The following DCAF12 variants were observed in gnomAD, a reference collection of about 807,000 sequenced individuals.
DCAF12 encodes DDB1 and CUL4 associated factor 12.
Under a neutral mutation model 52.8 loss-of-function variants are expected in DCAF12, and 28 were observed. The ratio of observed to expected loss-of-function variants is 0.53; its 90% CI spans 0.39 to 0.73. The LOEUF is 0.73. Among genes scored for constraint, DCAF12 ranks in the 30% least tolerant of loss-of-function variants. The pLI is 0.00. For synonymous variants in DCAF12, 196 were observed against 215.5 expected (o/e 0.91, Z 0.79); for missense variants, 425 against 552.2 (o/e 0.77, Z 2.31).
chr9:34,095,364 C>T (rs571189791), intron 6 of DCAF12, among the ~76,000 whole-genome samples: 46 of 140,866 alleles, frequency 3.3e-4, no homozygotes, highest in African/African-American at 1.1e-3. Flanking sequence ...TGAACCACCG[C>T]GCCAGGCCTT....
intron 4 of DCAF12, among the ~76,000 whole-genome samples, chr9:34,102,484 AACCCTGTCTCT>A: frequency 6.6e-6 from 1 of 151,928 alleles, no homozygotes; most frequent in South Asian, 2.1e-4. Flanking sequence ...AACATGGTGA[AACCCTGTCTCT>A]ACTAAAAATA....
chr9:34,108,806 T>TA lies in DCAF12; in HGVS notation c.334-1242dup, dbSNP rs1313673510. ...GAGACTTGGTCTCAAAAAAAATAAA[T>TA]AAATAAATATATATATATATATATG... On this transcript the variant is annotated intron_variant, in intron 2 of 8. Transcript: ENST00000361264. Among the ~76,000 whole-genome samples the TA allele has an allele frequency of 1.0e-4, 13 of 129,944 alleles. No individual in the cohort carries two copies. In the South Asian group the frequency reaches 1.4e-3, roughly 14 times the overall value. The allele number at this position is 129,944 out of a possible 152,430, so 85.2% of individuals were successfully genotyped here.
chr9:34,125,649 CTG>C, intron 1 of DCAF12: 1 of 471,812 alleles, frequency 2.1e-6, no homozygotes, highest in Non-Finnish European at 4.4e-6. Flanking sequence ...CCCTCTCAGT[CTG>C]TACTCCCACT....
intron 4 of DCAF12, among the ~76,000 whole-genome samples, chr9:34,098,809 C>T (rs2131429771): frequency 6.6e-6 from 1 of 152,200 alleles, no homozygotes; most frequent in South Asian, 2.1e-4. Flanking sequence ...CGCTTTGTCA[C>T]CCAGGCTGGA....
At chr9:34,099,620 GTCTC>G (rs1828795214) in intron 4 of DCAF12, among the ~76,000 whole-genome samples, 2 of 150,622 alleles carry the variant, frequency 1.3e-5, no homozygotes, top group African/African-American at 2.4e-5. Flanking sequence ...TGGAGATGAA[GTCTC>G]TCTGTGTTAC....
intron 4 of DCAF12, among the ~76,000 whole-genome samples, chr9:34,100,811 A>ATT (rs142344955): frequency 1.3e-5 from 2 of 150,508 alleles, no homozygotes. Context: ...TATTTTTTTA[A>ATT]TTTTTTTTGT....
At chr9:34,094,561 C>A (rs1201239353) in intron 6 of DCAF12, among the ~76,000 whole-genome samples, 1 of 143,952 alleles carries the variant, frequency 6.9e-6, no homozygotes, top group Non-Finnish European at 1.5e-5. Context: ...GACGGAGTCT[C>A]GCACTGTCGC....
intron 2 of DCAF12, among the ~76,000 whole-genome samples, chr9:34,118,533 G>C (rs1829121270): frequency 6.6e-6 from 1 of 152,120 alleles, no homozygotes; most frequent in Non-Finnish European, 1.5e-5. Flanking sequence ...TTGTTCCCTG[G>C]TGACATTTCC....
chr9:34,106,248 A>G (rs1828902257), intron 4 of DCAF12, among the ~76,000 whole-genome samples, 186 bp downstream of exon 4: 1 of 151,428 alleles, frequency 6.6e-6, no homozygotes, highest in African/African-American at 2.4e-5. Context: ...ATGCAGTACC[A>G]CACTCAACTA....
intron 2 of DCAF12, among the ~76,000 whole-genome samples, chr9:34,115,718 T>G (rs144688180): frequency 5.8e-4 from 89 of 152,146 alleles, no homozygotes; most frequent in African/African-American, 2.0e-3. Context: ...GAACTAGTGA[T>G]GGGTGAACAG....
intron 4 of DCAF12, 59 bp downstream of exon 4, chr9:34,106,375 C>T: frequency 2.8e-6 from 4 of 1,438,028 alleles, no homozygotes; most frequent in Non-Finnish European, 3.9e-6. Context: ...TATCCCTTTT[C>T]AATCTCTAGC....
At chr9:34,123,634 G>A (rs767244956) in intron 2 of DCAF12, among the ~76,000 whole-genome samples, 4 of 152,090 alleles carry the variant, frequency 2.6e-5, no homozygotes, top group African/African-American at 4.8e-5. Context: ...ATTAAGAGTA[G>A]GTTAAATTAT....
At chr9:34,101,980 A>G (rs1463834470) in intron 4 of DCAF12, among the ~76,000 whole-genome samples, 1 of 149,750 alleles carries the variant, frequency 6.7e-6, no homozygotes, top group East Asian at 2.0e-4. Flanking sequence ...TGTGCCACAG[A>G]CTCCAACCTG....
chr9:34,112,590 T>C (rs1432431877), intron 2 of DCAF12, among the ~76,000 whole-genome samples: 1 of 148,602 alleles, frequency 6.7e-6, no homozygotes, highest in East Asian at 2.0e-4. Flanking sequence ...TGAGAATCCA[T>C]CTCAAAAACA....
intron 4 of DCAF12, among the ~76,000 whole-genome samples, chr9:34,105,586 C>A (rs1051895730): frequency 6.6e-6 from 1 of 152,080 alleles, no homozygotes; most frequent in African/African-American, 2.4e-5. Flanking sequence ...CTCAAGGATG[C>A]AGTGAGCTAG....
At chr9:34,100,636 A>C (rs539554673) in intron 4 of DCAF12, among the ~76,000 whole-genome samples, 1 of 151,296 alleles carries the variant, frequency 6.6e-6, no homozygotes, top group African/African-American at 2.4e-5. Context: ...CTGTGACTAC[A>C]GGCACACCCT....
At chr9:34,120,663 C>G (rs1476263074) in intron 2 of DCAF12, among the ~76,000 whole-genome samples, 5 of 103,426 alleles carry the variant, frequency 4.8e-5, no homozygotes, top group Admixed American at 2.2e-4. Flanking sequence ...CAGCAAGACG[C>G]GGTCTCAAAA....
At chr9:34,103,319 A>G (rs1828858958) in intron 4 of DCAF12, among the ~76,000 whole-genome samples, 1 of 151,622 alleles carries the variant, frequency 6.6e-6, no homozygotes, top group Non-Finnish European at 1.5e-5. Context: ...AGGCAGGAGA[A>G]TCGCTTGAAC....
chr9:34,117,338 G>A (rs1386040320), intron 2 of DCAF12, among the ~76,000 whole-genome samples: 2 of 149,600 alleles, frequency 1.3e-5, no homozygotes, highest in Non-Finnish European at 1.5e-5. Flanking sequence ...TTTTAGTAGA[G>A]ACAGGGTTTC....
Sources: allele counts gnomAD v4.1 joint callset (sites outside exome capture counted in the v4.1 genomes callset), GRCh38; gene constraint gnomAD v4.1.1; transcripts MANE v1.5; gene names NCBI Gene and HGNC (gene_info 2026-07-23, HGNC 2026-07-21).